The following RANBP2 variants were observed in gnomAD, a reference collection of about 807,000 sequenced individuals.
RANBP2 encodes the protein RAN binding protein 2.
A neutral mutation model predicts 303.6 loss-of-function variants in RANBP2; 57 were observed. That is an observed-to-expected ratio of 0.19 (90% CI 0.15 to 0.23). The LOEUF is 0.23. RANBP2 is among the 10% of genes least tolerant of loss of function. The probability of loss-of-function intolerance (pLI) is 1.00; values close to 1 mark genes in which losing one functional copy is unlikely to be tolerated. For missense variants in RANBP2, 3,138 were observed against 3,780.8 expected, an observed-to-expected ratio of 0.83 and a Z score of 4.46; for synonymous variants, 1,167 against 1,301.5, an observed-to-expected ratio of 0.90 and a Z score of 2.23.
chr2:109,078,257 A>C, the RANBP2 span, among the ~76,000 whole-genome samples: 1 of 57,998 alleles, frequency 1.7e-5, no homozygotes. Flanking sequence ...GTATATATAT[A>C]TATATAGCGC....
chr2:108,807,165 A>G, the RANBP2 span, among the ~76,000 whole-genome samples: 1 of 152,222 alleles, frequency 6.6e-6, no homozygotes, highest in Non-Finnish European at 1.5e-5. Context: ...CTTGCGAGTG[A>G]TCCAGATATT....
At chr2:108,723,288 T>C (rs1356041545) in intron 1 of RANBP2, among the ~76,000 whole-genome samples, 1 of 151,586 alleles carries the variant, frequency 6.6e-6, no homozygotes, top group Non-Finnish European at 1.5e-5. Flanking sequence ...CTTTTCTTTT[T>C]TTTTTTTTTG....
chr2:109,485,653 C>T, the RANBP2 span, among the ~76,000 whole-genome samples: 1 of 152,222 alleles, frequency 6.6e-6, no homozygotes, highest in Non-Finnish European at 1.5e-5. Flanking sequence ...TTTTAAATAT[C>T]AGATTTCTAG....
the RANBP2 span, among the ~76,000 whole-genome samples, chr2:109,413,960 A>G: frequency 6.6e-6 from 1 of 152,238 alleles, no homozygotes; most frequent in Non-Finnish European, 1.5e-5. Flanking sequence ...GCATGTCAGC[A>G]TTCCCAAGAC....
the RANBP2 span, among the ~76,000 whole-genome samples, chr2:109,227,486 T>C: frequency 1.3e-5 from 2 of 152,206 alleles, no homozygotes; most frequent in Non-Finnish European, 2.9e-5. Flanking sequence ...ACATTGAAGC[T>C]ATCAGGGACT....
At chr2:109,584,628 T>G in the RANBP2 span, among the ~76,000 whole-genome samples, 1 of 152,158 alleles carries the variant, frequency 6.6e-6, no homozygotes, top group Non-Finnish European at 1.5e-5. Flanking sequence ...AGGAGAAATA[T>G]TAAAACAAAT....
In RANBP2 at chr2:108,719,567, C is replaced by T. The variant is rs767350973; in HGVS notation, c.-40C>T. ...AAGTGGCGACTGCTGCGGGCCTGAG[C>T]GCTGGTCTCACGCGCCTCGGGAGCC... is the stretch of plus-strand genomic sequence containing the variant. On this transcript the variant is annotated 5_prime_UTR_variant, in exon 1 of 29. Transcript: ENST00000283195. The T allele has an allele frequency of 2.5e-6, 4 of 1,582,970 alleles. No individual in the cohort carries two copies. Among genetic ancestry groups the T allele is most frequent in the Admixed American group, 1.8e-5 (1 of 54,702 alleles).
At chr2:108,924,355 G>A in the RANBP2 span, among the ~76,000 whole-genome samples, 1 of 152,162 alleles carries the variant, frequency 6.6e-6, no homozygotes, top group Non-Finnish European at 1.5e-5. Flanking sequence ...CAGCTCGGGC[G>A]CCTTCCCTCT....
At chr2:109,064,851 C>A in the RANBP2 span, among the ~76,000 whole-genome samples, 2 of 152,018 alleles carry the variant, frequency 1.3e-5, no homozygotes, top group Admixed American at 1.3e-4. Context: ...ACTTTTTAAT[C>A]AATAATTTTA....
At chr2:108,936,116 G>T in the RANBP2 span, among the ~76,000 whole-genome samples, 1 of 152,248 alleles carries the variant, frequency 6.6e-6, no homozygotes, top group Non-Finnish European at 1.5e-5. Flanking sequence ...CTTCCACCCA[G>T]TTGGGCCCCC....
the RANBP2 span, among the ~76,000 whole-genome samples, chr2:109,074,229 TG>T: frequency 6.7e-6 from 1 of 150,280 alleles, no homozygotes; most frequent in East Asian, 1.9e-4. Context: ...TTTAGCCAGG[TG>T]TAGTGGCAGG....
Position 108,782,651 on chromosome 2 carries a change from C to G in RANBP2, c.9158C>G (p.Ser3053Ter). ...ATGAAACTCCAGAAAGGACATGTAT[C>G]ACTGGCAGCAGAATTATCAAAGGAG... ...NLMKLQKGHV[S>*]LAAELSKETN... The change falls in exon 28 of 29, where the codon TCA becomes TGA. Residue 3053 changes from serine (S) to a stop codon, truncating the protein, a stop_gained. Transcript: ENST00000283195. LOFTEE classifies it high-confidence loss of function. 1 of 1,614,188 alleles carries G rather than the reference C, an allele frequency of 6.2e-7. No homozygotes were observed. The highest frequency in any genetic ancestry group is 8.5e-7 in the Non-Finnish European group (1 of 1,180,016).
At chr2:109,142,343 TCTA>T in the RANBP2 span, among the ~76,000 whole-genome samples, 1 of 152,178 alleles carries the variant, frequency 6.6e-6, no homozygotes, top group East Asian at 1.9e-4. Context: ...CATGTTATAT[TCTA>T]CTCTAAAATG....
the RANBP2 span, among the ~76,000 whole-genome samples, chr2:109,597,476 ACT>A: frequency 1.9e-4 from 29 of 152,304 alleles, no homozygotes; most frequent in Non-Finnish European, 2.6e-4. Context: ...GGACCTTGTG[ACT>A]CTGTCTCAGA....
chr2:109,016,239 G>A, the RANBP2 span, among the ~76,000 whole-genome samples: 4 of 151,816 alleles, frequency 2.6e-5, no homozygotes, highest in South Asian at 2.1e-4. Context: ...CGGCCACCAC[G>A]CCCGGCTAAT....
At chr2:108,839,169 A>G in the RANBP2 span, 10 of 1,589,120 alleles carry the variant, frequency 6.3e-6, no homozygotes, top group Admixed American at 1.8e-5. Context: ...TTTATTTTCC[A>G]TCATTTTATC....
the RANBP2 span, among the ~76,000 whole-genome samples, chr2:108,828,649 A>G: frequency 1.3e-5 from 2 of 152,214 alleles, no homozygotes; most frequent in East Asian, 1.9e-4. Context: ...CCCTCATGCA[A>G]CAAAATGAGT....
chr2:109,062,882 G>C, the RANBP2 span, among the ~76,000 whole-genome samples: 1 of 152,090 alleles, frequency 6.6e-6, no homozygotes, highest in African/African-American at 2.4e-5. Flanking sequence ...GGGCTGGCAG[G>C]CTGTTGCCTC....
At chr2:109,423,345 C>T in the RANBP2 span, among the ~76,000 whole-genome samples, 1,659 of 151,134 alleles carry the variant, frequency 0.011, 27 homozygotes, top group African/African-American at 0.038. Flanking sequence ...GCAGGGATGA[C>T]CTCGCAGACC....
Sources: gnomAD v4.1 joint callset for allele counts (sites outside exome capture counted in the v4.1 genomes callset) on GRCh38, gnomAD v4.1.1 for gene constraint, MANE v1.5 for transcripts, NCBI Gene and HGNC (gene_info 2026-07-23, HGNC 2026-07-21) for gene names.